Variants in KPNA5 observed in about 807,000 individuals in gnomAD.
KPNA5 encodes the protein karyopherin subunit alpha 5.
A neutral mutation model predicts 71.3 loss-of-function variants in KPNA5; 46 were observed. That is an observed-to-expected ratio of 0.65 (90% CI 0.51 to 0.83). The LOEUF is 0.83. KPNA5 is among the 40% of genes least tolerant of loss of function. The pLI, the probability that KPNA5 is intolerant of heterozygous loss-of-function variation, is 0.00. For missense variants in KPNA5, 547 were observed against 628.3 expected, an observed-to-expected ratio of 0.87 and a Z score of 1.38; for synonymous variants, 207 against 201.4, an observed-to-expected ratio of 1.03 and a Z score of -0.24.
Position 116,734,749 on chromosome 6 carries a change from A to T in KPNA5, c.*2426A>T, listed in dbSNP as rs1779612035. 6.6e-6 allele frequency: 1 copy of T among 151,296 alleles called. No homozygotes were observed. The highest frequency in any genetic ancestry group is 1.5e-5 in the Non-Finnish European group (1 of 67,608). 9.4% of individuals were successfully genotyped at this position (151,296 alleles called of 1,614,324 possible). The stretch of plus-strand genomic sequence containing the variant: ...AAAAAAAAGAAAGAAAGAAAAGAAA[A>T]AAATAAATAAAATGCTCCAAAAAGT... On this transcript the variant is annotated 3_prime_UTR_variant, in exon 14 of 14. Coordinates refer to ENST00000368564, the MANE Select transcript of KPNA5 (RefSeq NM_001366306.2).
Position 116,739,139 on chromosome 6 carries a change from G to T in KPNA5, c.*6816G>T, listed in dbSNP as rs1316014522. On this transcript the variant is annotated 3_prime_UTR_variant, in exon 14 of 14. Transcript: ENST00000368564. The stretch of plus-strand genomic sequence containing the variant: ...GCCCAAAATCTCCTTAAGCTGATAA[G>T]CAACTTCAGCAAAGTCTCAGGATAC... 3.9e-5 allele frequency: 6 copies of T among 152,140 alleles called. No homozygotes were observed. The highest frequency in any genetic ancestry group is 7.3e-5 in the Non-Finnish European group (5 of 68,042). The allele number at this position is 152,140 out of a possible 1,614,324, so 9.4% of individuals were successfully genotyped here.
chr6:116,691,039 A>C (rs1164451289), intron 2 of KPNA5, among the ~76,000 whole-genome samples: 1 of 151,914 alleles, frequency 6.6e-6, no homozygotes, highest in African/African-American at 2.4e-5. Context: ...GACCAGCCTG[A>C]CCAACATGGT....
rs974287639 is a variant in KPNA5, at chr6:116,702,008, T to A, written c.436-11T>A. On this transcript the variant is annotated splice_polypyrimidine_tract_variant and intron_variant, in intron 5 of 13. Coordinates refer to ENST00000368564, the MANE Select transcript of KPNA5 (RefSeq NM_001366306.2). ...GTTCTTTCATTTATTTTACCTTTTT[T>A]TTCTTCTTAGTTTGAAGCTGCATGG... 9.4e-6 allele frequency: 15 copies of A among 1,598,488 alleles called. No individual in the cohort carries two copies. The highest frequency in any genetic ancestry group is 1.3e-5 in the Non-Finnish European group (15 of 1,176,048).
At chr6:116,705,570 T>C (rs1778408788) in intron 7 of KPNA5, among the ~76,000 whole-genome samples, 1 of 152,160 alleles carries the variant, frequency 6.6e-6, no homozygotes, top group South Asian at 2.1e-4. Flanking sequence ...TCTTTCAGGA[T>C]TAGAGTTTTA....
chr6:116,681,570 C>G, intron 1 of KPNA5: 1 of 1,293,910 alleles, frequency 7.7e-7, no homozygotes, highest in Non-Finnish European at 9.8e-7. Context: ...CAGATTCTTT[C>G]AGCAGGTCCT....
chr6:116,687,515 AAG>A (rs1321832676), intron 1 of KPNA5, among the ~76,000 whole-genome samples: 1 of 152,214 alleles, frequency 6.6e-6, no homozygotes, highest in Non-Finnish European at 1.5e-5. Flanking sequence ...TGTATACGAA[AAG>A]AGTGATTTTT....
chr6:116,702,491 T>C (rs1318312971), intron 6 of KPNA5, among the ~76,000 whole-genome samples: 2 of 152,134 alleles, frequency 1.3e-5, no homozygotes, highest in African/African-American at 4.8e-5. Context: ...GAGACCAGCC[T>C]GGCCAACATG....
chr6:116,690,259 C>CA (rs1777745776), intron 2 of KPNA5, among the ~76,000 whole-genome samples: 1 of 152,182 alleles, frequency 6.6e-6, no homozygotes, highest in South Asian at 2.1e-4. Flanking sequence ...AATGATTTCT[C>CA]ATCTCCCTAT....
intron 1 of KPNA5, among the ~76,000 whole-genome samples, chr6:116,684,172 T>C (rs996575772): frequency 3.9e-5 from 6 of 151,948 alleles, no homozygotes; most frequent in Non-Finnish European, 8.8e-5. Flanking sequence ...CTTGGCCTTC[T>C]AAAGTGCTAG....
At chr6:116,705,704 C>T (rs1778415236) in intron 7 of KPNA5, among the ~76,000 whole-genome samples, 1 of 151,922 alleles carries the variant, frequency 6.6e-6, no homozygotes, top group Non-Finnish European at 1.5e-5. Flanking sequence ...CAGGTTTATA[C>T]ATATTGTTTA....
Position 116,702,135 on chromosome 6 carries a change from A to C in KPNA5, c.552A>C (p.Glu184Asp), listed in dbSNP as rs1224622438. The part of the protein sequence containing the change: ...IFIKLLNSEH[E>D]DVQEQAVWAL... ...TCAAACTTCTTAATTCTGAACATGA[A>C]GATGTTCAGGAACAGGTACGTCTCT... is the stretch of plus-strand genomic sequence containing the variant. Residue 184 changes from glutamate to aspartate, a missense_variant, in exon 6 of 14, where the codon GAA becomes GAC. Physicochemically the swap from Glu to Asp is conservative, Grantham distance 45. Transcript: ENST00000368564. 2 of 1,613,628 alleles carry C rather than the reference A, an allele frequency of 1.2e-6. No homozygotes were observed. Among genetic ancestry groups the C allele is most frequent in the Non-Finnish European group, 1.7e-6 (2 of 1,179,860 alleles).
At chr6:116,708,171 G>A (rs1011267477) in intron 7 of KPNA5, among the ~76,000 whole-genome samples, 1 of 152,168 alleles carries the variant, frequency 6.6e-6, no homozygotes, top group African/African-American at 2.4e-5. Flanking sequence ...ACTTCGGTGT[G>A]TCCACCTTTT....
At chr6:116,729,340 C>G (rs2114503389) in intron 12 of KPNA5, among the ~76,000 whole-genome samples, 1 of 151,746 alleles carries the variant, frequency 6.6e-6, no homozygotes, top group South Asian at 2.1e-4. Flanking sequence ...CCATTTATTG[C>G]TAATTATGTT....
At chr6:116,730,340 A>G (rs761192386) in intron 13 of KPNA5, among the ~76,000 whole-genome samples, 2 of 151,358 alleles carry the variant, frequency 1.3e-5, no homozygotes, top group East Asian at 3.9e-4. Flanking sequence ...AGCCACCTCA[A>G]CCTCCCAAAG....
chr6:116,690,729 G>A (rs1777767806), intron 2 of KPNA5, among the ~76,000 whole-genome samples: 1 of 151,900 alleles, frequency 6.6e-6, no homozygotes, highest in African/African-American at 2.4e-5. Flanking sequence ...TTTTGATTTA[G>A]GAAATGTAGA....
Position 116,681,262 on chromosome 6 carries a change from G to A in KPNA5, c.-73G>A. On this transcript the variant is annotated 5_prime_UTR_variant, in exon 1 of 14. Transcript: ENST00000368564. ...CGCTTCACGCCAGGGGCGGAGTGGCGGCCCTTCTGTTACCCGCCACACACG... is the reference window on the plus strand; with the variant it reads ...CGCTTCACGCCAGGGGCGGAGTGGCAGCCCTTCTGTTACCCGCCACACACG... The A allele has an allele frequency of 1.3e-6, 2 of 1,597,250 alleles. No homozygotes were observed. Among genetic ancestry groups the A allele is most frequent in the African/African-American group, 1.3e-5 (1 of 74,222 alleles).
At chr6:116,711,629 T>G (rs1337289769) in intron 7 of KPNA5, among the ~76,000 whole-genome samples, 3 of 152,110 alleles carry the variant, frequency 2.0e-5, no homozygotes, top group Non-Finnish European at 4.4e-5. Context: ...TCTAGTTTTC[T>G]GTCTGTATTT....
At chr6:116,704,451 T>A (rs1778356412) in intron 6 of KPNA5, among the ~76,000 whole-genome samples, 2 of 152,378 alleles carry the variant, frequency 1.3e-5, no homozygotes, top group African/African-American at 4.8e-5. Context: ...ATGTGCAGTC[T>A]GTCATCGACT....
In KPNA5 at chr6:116,733,460, T is replaced by A. The variant is rs1448369203; in HGVS notation, c.*1137T>A. On this transcript the variant is annotated 3_prime_UTR_variant, in exon 14 of 14. Transcript: ENST00000368564. ...TTTTCTTTTAGTAATACTCAGAGGGTCATTCTGCTGCTTGTTATGAATCAT... is the reference window on the plus strand; with the variant it reads ...TTTTCTTTTAGTAATACTCAGAGGGACATTCTGCTGCTTGTTATGAATCAT... The A allele has an allele frequency of 6.6e-6, 1 of 151,606 alleles. No homozygotes were observed. Among genetic ancestry groups the A allele is most frequent in the African/African-American group, 2.4e-5 (1 of 41,362 alleles). 9.4% of individuals were successfully genotyped at this position (151,606 alleles called of 1,614,324 possible).
Sources: allele counts gnomAD v4.1 joint callset (sites outside exome capture counted in the v4.1 genomes callset), GRCh38; gene constraint gnomAD v4.1.1; transcripts MANE v1.5; gene names NCBI Gene and HGNC (gene_info 2026-07-23, HGNC 2026-07-21).